Variants in FGD3 observed in about 807,000 individuals in gnomAD.
FGD3 encodes the protein FYVE, RhoGEF and PH domain-containing protein 3.
Under a neutral mutation model 71.8 loss-of-function variants are expected in FGD3, and 45 were observed. The ratio of observed to expected loss-of-function variants is 0.63; its 90% CI spans 0.49 to 0.80. The LOEUF (loss-of-function observed/expected upper bound fraction) is 0.80, where lower values mean the gene tolerates loss of function less well. Ranked by LOEUF, FGD3 falls within the 30% of genes least tolerant of loss-of-function variation. The probability of loss-of-function intolerance (pLI) is 0.00; values close to 1 mark genes in which losing one functional copy is unlikely to be tolerated. For synonymous variants in FGD3, 378 were observed against 392.8 expected (o/e 0.96, Z 0.44); for missense variants, 844 against 951.5 (o/e 0.89, Z 1.49).
At position 92,951,827 on chromosome 9, in the gene FGD3, C is replaced by G. The variant is rs79669687; in HGVS notation, c.-218+4098C>G. ...AAACTGAATGAATAAAACTGCTGGT[C>G]TTTGACCATGCAAAATAGGTGTAAA... is the stretch of plus-strand genomic sequence containing the variant. On this transcript the variant is annotated intron_variant, in intron 1 of 17. Coordinates refer to ENST00000375482, the MANE Select transcript of FGD3 (RefSeq NM_001083536.2). Among the ~76,000 whole-genome samples the G allele has an allele frequency of 6.6e-3, 999 of 152,260 alleles. 8 individuals carry two copies. Among genetic ancestry groups the G allele is most frequent in the African/African-American group, 0.023 (938 of 41,522 alleles).
At chr9:93,034,979 G>C (rs1862535429) in intron 17 of FGD3, among the ~76,000 whole-genome samples, 1 of 152,188 alleles carries the variant, frequency 6.6e-6, no homozygotes, top group Non-Finnish European at 1.5e-5. Flanking sequence ...AACCCACACA[G>C]CCCTGGCCCG....
intron 1 of FGD3, among the ~76,000 whole-genome samples, chr9:92,960,963 G>A (rs1859157435): frequency 6.6e-6 from 1 of 151,654 alleles, no homozygotes; most frequent in South Asian, 2.1e-4. Context: ...CTCCTGGTGA[G>A]TGGGTGCTCT....
intron 13 of FGD3, 31 bp downstream of exon 13, chr9:93,020,455 C>G (rs369033346): frequency 2.5e-6 from 4 of 1,586,384 alleles, no homozygotes; most frequent in Non-Finnish European, 3.4e-6. Context: ...GCAGAGAGAC[C>G]TCCAGGGGAC....
Position 92,976,231 on chromosome 9 carries a change from T to G in FGD3, c.-26T>G. The stretch of plus-strand genomic sequence containing the variant: ...AGGAAGCCCCTGGCCAGCCTCCACC[T>G]GAGCCCAGTGAGCTCAGCTTTAAGG... On this transcript the variant is annotated 5_prime_UTR_variant, in exon 3 of 18. Coordinates refer to ENST00000375482, the MANE Select transcript of FGD3 (RefSeq NM_001083536.2). 2 of 1,521,232 alleles carry G rather than the reference T, an allele frequency of 1.3e-6. No homozygotes were observed. The highest frequency in any genetic ancestry group is 1.8e-6 in the Non-Finnish European group (2 of 1,129,928). 94.2% of individuals were successfully genotyped at this position (1,521,232 alleles called of 1,614,324 possible). A position where few individuals can be genotyped will look rare whatever the true frequency, so the allele number is the denominator to read the frequency against.
intron 11 of FGD3, 76 bp from the exon 12 acceptor site, chr9:93,019,755 C>T: frequency 1.4e-6 from 2 of 1,394,230 alleles, no homozygotes; most frequent in Non-Finnish European, 2.0e-6. Flanking sequence ...GGGTGTGCTG[C>T]AGGGTTGAGA....
At chr9:92,998,825 C>T (rs1189368068) in intron 3 of FGD3, among the ~76,000 whole-genome samples, 1 of 152,186 alleles carries the variant, frequency 6.6e-6, no homozygotes. Context: ...TCTGATCCTT[C>T]TTCTGGAAGC....
chr9:92,968,571 C>G (rs1172292677), intron 1 of FGD3, among the ~76,000 whole-genome samples: 1 of 151,060 alleles, frequency 6.6e-6, no homozygotes, highest in African/African-American at 2.4e-5. Flanking sequence ...CACAAGGTGG[C>G]TTTAATTTTT....
intron 3 of FGD3, among the ~76,000 whole-genome samples, chr9:92,985,190 C>T (rs1169849032): frequency 3.3e-5 from 5 of 152,250 alleles, no homozygotes; most frequent in Admixed American, 6.5e-5. Context: ...TGGCTTCCCA[C>T]GCCAATGGCA....
chr9:92,993,130 A>G lies in FGD3; in HGVS notation c.454-9795A>G, dbSNP rs375326362. Among the ~76,000 whole-genome samples, 16 of 152,096 alleles carry G rather than the reference A, an allele frequency of 1.1e-4. No individual in the cohort carries two copies. In the East Asian group the frequency reaches 1.2e-3, roughly 11 times the overall value. On this transcript the variant is annotated intron_variant, in intron 3 of 17. Transcript: ENST00000375482. ...GTGTTTCTAGTCAGCCATCTTACTGATATCACTCTCCTTCTTTTTTTTGGT... is the reference window on the plus strand; with the variant it reads ...GTGTTTCTAGTCAGCCATCTTACTGGTATCACTCTCCTTCTTTTTTTTGGT...
intron 10 of FGD3, among the ~76,000 whole-genome samples, chr9:93,017,174 G>A (rs1861735645): frequency 6.6e-6 from 1 of 152,074 alleles, no homozygotes; most frequent in Non-Finnish European, 1.5e-5. Flanking sequence ...AGGCTGAGGT[G>A]GGAGAATTGC....
At chr9:92,955,336 A>T (rs1382952374) in intron 1 of FGD3, among the ~76,000 whole-genome samples, 1 of 152,000 alleles carries the variant, frequency 6.6e-6, no homozygotes, top group Non-Finnish European at 1.5e-5. Flanking sequence ...GGAGTTCGAG[A>T]CCAGCCTGAC....
chr9:92,991,949 C>T (rs1860428208), intron 3 of FGD3, among the ~76,000 whole-genome samples: 1 of 152,116 alleles, frequency 6.6e-6, no homozygotes, highest in Non-Finnish European at 1.5e-5. Context: ...TCTTCTTCGT[C>T]TGATATAAGT....
chr9:93,017,032 G>C (rs963265148), intron 10 of FGD3, among the ~76,000 whole-genome samples: 1 of 152,228 alleles, frequency 6.6e-6, no homozygotes, highest in African/African-American at 2.4e-5. Context: ...ACTTTGGGAG[G>C]CTGAGGTAGG....
At chr9:93,014,710 C>T (rs554005518) in intron 9 of FGD3, among the ~76,000 whole-genome samples, 28 of 152,050 alleles carry the variant, frequency 1.8e-4, no homozygotes, top group Non-Finnish European at 2.8e-4. Context: ...GGCTCAATCT[C>T]GGCTCACTGT....
chr9:92,994,651 T>C (rs1860556828), intron 3 of FGD3, among the ~76,000 whole-genome samples: 4 of 152,216 alleles, frequency 2.6e-5, no homozygotes, highest in Non-Finnish European at 5.9e-5. Flanking sequence ...AATTTTTGTA[T>C]AAGATGTAAG....
chr9:93,026,684 C>A (rs543156516), intron 14 of FGD3, among the ~76,000 whole-genome samples: 2 of 152,354 alleles, frequency 1.3e-5, no homozygotes, highest in East Asian at 3.9e-4. Flanking sequence ...TTCACTGGGA[C>A]CCGGTCCCAC....
chr9:92,960,217 C>T (rs1859144689), intron 1 of FGD3, among the ~76,000 whole-genome samples: 2 of 151,968 alleles, frequency 1.3e-5, no homozygotes, highest in Admixed American at 6.6e-5. Context: ...ACCTCCACTT[C>T]CCATGCTCTC....
chr9:93,020,221 A>G, intron 12 of FGD3, 96 bp from the exon 13 acceptor site: 1 of 1,188,102 alleles, frequency 8.4e-7, no homozygotes, highest in South Asian at 1.5e-5. Flanking sequence ...GGGAACGCCA[A>G]GGCCCGTCCT....
At chr9:92,958,671 G>A (rs1035988759) in intron 1 of FGD3, among the ~76,000 whole-genome samples, 2 of 152,150 alleles carry the variant, frequency 1.3e-5, no homozygotes, top group African/African-American at 2.4e-5. Flanking sequence ...TCACCTATGT[G>A]TTTTTAGAAG....
Sources: allele counts gnomAD v4.1 joint callset (sites outside exome capture counted in the v4.1 genomes callset), GRCh38; gene constraint gnomAD v4.1.1; transcripts MANE v1.5; gene names NCBI Gene and HGNC (gene_info 2026-07-23, HGNC 2026-07-21).